The following SPECC1 variants were observed in gnomAD, a reference collection of about 807,000 sequenced individuals.
SPECC1 encodes the protein cytospin-B.
SPECC1 carries 62 observed loss-of-function variants against 104.1 expected under a neutral mutation model. The observed-to-expected ratio is 0.60, with a 90% CI of 0.49 to 0.74. The LOEUF (loss-of-function observed/expected upper bound fraction) is 0.74, where lower values mean the gene tolerates loss of function less well. SPECC1 is among the 30% of genes least tolerant of loss of function. The pLI is 0.00. For synonymous variants in SPECC1, 513 were observed against 501.6 expected (o/e 1.02, Z -0.30); for missense variants, 1,306 against 1,310.5 (o/e 1.00, Z 0.05).
chr17:20,054,852 C>G (rs1024758356), intron 1 of SPECC1, among the ~76,000 whole-genome samples: 3 of 152,042 alleles, frequency 2.0e-5, no homozygotes, highest in African/African-American at 7.2e-5. Flanking sequence ...AGGGTTTCAC[C>G]ATGTTACCCA....
At chr17:20,059,965 A>G (rs2046123558) in intron 1 of SPECC1, among the ~76,000 whole-genome samples, 1 of 152,262 alleles carries the variant, frequency 6.6e-6, no homozygotes, top group Non-Finnish European at 1.5e-5. Context: ...ACTGGTTTGT[A>G]CATGAGCTAG....
At position 20,081,708 on chromosome 17, in the gene SPECC1, A is replaced by G. The variant is rs146000031; in HGVS notation, c.-21-14923A>G. Among the ~76,000 whole-genome samples the G allele has an allele frequency of 9.3e-3, 1,412 of 152,204 alleles. 16 individuals carry two copies. The highest frequency in any genetic ancestry group is 0.014 in the Non-Finnish European group (956 of 68,004). ...GGGATCTGTCCGGAATGTAGAGCCC[A>G]CGGGTGCAGCGTTCTGGGCGTCAGG... is the stretch of plus-strand genomic sequence containing the variant. On this transcript the variant is annotated intron_variant, in intron 1 of 14. Transcript: ENST00000395527.
rs148506524 is a variant in SPECC1, at chr17:20,315,772, C to G, written c.*1707C>G. On this transcript the variant is annotated 3_prime_UTR_variant, in exon 15 of 15. Coordinates refer to ENST00000395527, the MANE Select transcript of SPECC1 (RefSeq NM_001243439.2). ...ACTGGGCTGCACGGGTCAGCAGATC[C>G]CTGATTCTCAAGCCACCTTGAGACA... 1 of 232,570 alleles carries G rather than the reference C, an allele frequency of 4.3e-6. No homozygotes were observed. Among genetic ancestry groups the G allele is most frequent in the East Asian group, 6.1e-5 (1 of 16,468 alleles). 14.4% of individuals were successfully genotyped at this position (232,570 alleles called of 1,614,324 possible). A position where few individuals can be genotyped will look rare whatever the true frequency, so the allele number is the denominator to read the frequency against.
chr17:20,151,999 A>G (rs973343564), intron 3 of SPECC1, among the ~76,000 whole-genome samples: 13 of 146,182 alleles, frequency 8.9e-5, no homozygotes, highest in African/African-American at 1.3e-4. Context: ...TTGACATGCT[A>G]GTTCTGTGGG....
intron 13 of SPECC1, among the ~76,000 whole-genome samples, chr17:20,298,948 A>AGAGTGTGTGTGTGTGTGTGTGTGT: frequency 1.0e-3 from 50 of 49,066 alleles, no homozygotes; most frequent in African/African-American, 2.1e-3. Context: ...AGAGAGAGAG[A>AGAGTGTGTGTGTGTGTGTGTGTGT]GTGTGTGTGT....
chr17:20,247,191 TA>T, intron 8 of SPECC1, 27 bp from the exon 9 acceptor site: 1 of 1,558,448 alleles, frequency 6.4e-7, no homozygotes, highest in Non-Finnish European at 8.8e-7. Flanking sequence ...GAACAACATA[TA>T]AATGTTCCCA....
At position 20,205,463 on chromosome 17, in the gene SPECC1, G is replaced by A. The variant is rs904921115; in HGVS notation, c.1414G>A (p.Gly472Ser). 1 of 1,613,934 alleles carries A rather than the reference G, an allele frequency of 6.2e-7. No individual in the cohort carries two copies. The highest frequency in any genetic ancestry group is 1.3e-5 in the African/African-American group (1 of 74,914). The change falls in exon 4 of 15, where the codon GGT becomes AGT. Residue 472 changes from glycine (G) to serine (S), a missense_variant. Physicochemically the swap from Gly to Ser is moderately conservative, Grantham distance 56. Around this residue, in one of 2 missense-constraint regions of SPECC1, gnomAD observed 1,177 missense variants for 1,139.9 expected, o/e 1.03. Coordinates refer to ENST00000395527, the MANE Select transcript of SPECC1 (RefSeq NM_001243439.2). ...KIIELEQKCT[G>S]ILEQGRFERE... ...TATTGAACTGGAGCAGAAGTGCACA[G>A]GTATTCTTGAACAGGGCCGCTTTGA...
In SPECC1 at chr17:20,316,043, T is replaced by G; in HGVS notation, c.*1978T>G. On this transcript the variant is annotated 3_prime_UTR_variant, in exon 15 of 15. Coordinates refer to ENST00000395527, the MANE Select transcript of SPECC1 (RefSeq NM_001243439.2). ...AAGGCAGGCAGCCTGCGGGAGCTCC[T>G]GAGCAGCTGTTGGGCGATGGTCATT... 4.3e-6 allele frequency: 1 copy of G among 232,638 alleles called. No individual in the cohort carries two copies. The highest frequency in any genetic ancestry group is 6.1e-5 in the East Asian group (1 of 16,502). The allele number at this position is 232,638 out of a possible 1,614,324, so 14.4% of individuals were successfully genotyped here.
Position 20,238,797 on chromosome 17 carries a change from T to G in SPECC1, c.2351+6392T>G. 9 of 1,045,416 alleles carry G rather than the reference T, an allele frequency of 8.6e-6. No homozygotes were observed. The South Asian group carries it at 4.1e-4, about 48-fold the overall frequency. 64.8% of individuals were successfully genotyped at this position (1,045,416 alleles called of 1,614,324 possible). A position where few individuals can be genotyped will look rare whatever the true frequency, so the allele number is the denominator to read the frequency against. ...TTCAACTTAAAAGGCACTGCTGTAT[T>G]TGCACCCTATATTTTGACCTGTCGT... On this transcript the variant is annotated intron_variant, in intron 7 of 14. Coordinates refer to ENST00000395527, the MANE Select transcript of SPECC1 (RefSeq NM_001243439.2).
At chr17:20,121,426 C>T (rs543728714) in intron 3 of SPECC1, among the ~76,000 whole-genome samples, 2 of 151,940 alleles carry the variant, frequency 1.3e-5, no homozygotes, top group South Asian at 4.2e-4. Flanking sequence ...GGCTGGAGTG[C>T]AGTGGTGCAA....
At position 20,314,043 on chromosome 17, in the gene SPECC1, T is replaced by G; in HGVS notation, c.3185T>G (p.Ile1062Ser). The G allele has an allele frequency of 6.2e-7, 1 of 1,614,090 alleles. No homozygotes were observed. Among genetic ancestry groups the G allele is most frequent in the Non-Finnish European group, 8.5e-7 (1 of 1,180,012 alleles). ...AGTGTGATGCAGTACGTGGCCCAAA[T>G]CTACAAGTACTTTGAGACGTAACCC... The part of the protein sequence containing the change: ...WQSVMQYVAQ[I>S]YKYFET Residue 1062 changes from isoleucine (I) to serine (S), a missense_variant, in exon 15 of 15, where the codon ATC becomes AGC. Around this residue, in one of 2 missense-constraint regions of SPECC1, gnomAD observed 129 missense variants for 170.6 expected, o/e 0.76. Transcript: ENST00000395527.
At chr17:20,207,790 T>C (rs1036865550) in intron 4 of SPECC1, among the ~76,000 whole-genome samples, 21 of 152,216 alleles carry the variant, frequency 1.4e-4, no homozygotes, top group African/African-American at 4.8e-4. Flanking sequence ...GATTATGATA[T>C]TTTGTCTTCC....
intron 4 of SPECC1, among the ~76,000 whole-genome samples, chr17:20,215,128 G>A (rs553310459): frequency 1.3e-5 from 2 of 152,224 alleles, no homozygotes; most frequent in South Asian, 2.1e-4. Flanking sequence ...CTCCAAGGCC[G>A]GGGCCTCGTG....
intron 12 of SPECC1, among the ~76,000 whole-genome samples, chr17:20,268,713 G>GAA (rs1302918390): frequency 2.6e-5 from 4 of 152,274 alleles, no homozygotes; most frequent in African/African-American, 9.6e-5. Flanking sequence ...CAGTGGCACA[G>GAA]GTGTTGTCCT....
At chr17:20,195,503 T>C (rs767826928) in intron 3 of SPECC1, among the ~76,000 whole-genome samples, 1 of 152,202 alleles carries the variant, frequency 6.6e-6, no homozygotes, top group Non-Finnish European at 1.5e-5. Context: ...GTATGATTTT[T>C]ATATCAAATA....
chr17:20,078,642 A>G (rs1043038948), intron 1 of SPECC1, among the ~76,000 whole-genome samples: 7 of 152,224 alleles, frequency 4.6e-5, no homozygotes, highest in African/African-American at 1.7e-4. Context: ...CAAAAGGTAA[A>G]ATATGCATAC....
chr17:20,170,505 T>A (rs1476149512), intron 3 of SPECC1, among the ~76,000 whole-genome samples: 1 of 152,138 alleles, frequency 6.6e-6, no homozygotes, highest in Non-Finnish European at 1.5e-5. Context: ...GACCCAGAAA[T>A]CCTGAGCCAG....
intron 3 of SPECC1, among the ~76,000 whole-genome samples, chr17:20,165,426 A>G (rs1253307852): frequency 6.6e-6 from 1 of 152,136 alleles, no homozygotes; most frequent in Non-Finnish European, 1.5e-5. Context: ...CATGGTGTAT[A>G]TGTACCACAT....
chr17:20,129,728 G>A (rs1405291099), intron 3 of SPECC1, among the ~76,000 whole-genome samples: 1 of 30,954 alleles, frequency 3.2e-5, no homozygotes, highest in South Asian at 4.9e-4. Flanking sequence ...AGCCAGTTTT[G>A]TTGTTGTTGT....
Sources: allele counts gnomAD v4.1 joint callset (sites outside exome capture counted in the v4.1 genomes callset), GRCh38; gene constraint gnomAD v4.1.1; regional missense constraint gnomAD v4.1.1; transcripts MANE v1.5; gene names NCBI Gene and HGNC (gene_info 2026-07-23, HGNC 2026-07-21).